The following CTNNA2 variants were observed in gnomAD, a reference collection of about 807,000 sequenced individuals.
CTNNA2 encodes the protein catenin alpha-2.
A neutral mutation model predicts 101.0 loss-of-function variants in CTNNA2; 42 were observed. The ratio of observed to expected loss-of-function variants is 0.42; its 90% CI spans 0.32 to 0.54. The LOEUF is 0.54. Ranked by LOEUF, CTNNA2 falls within the 20% of genes least tolerant of loss-of-function variation. The pLI is 0.14. For synonymous variants in CTNNA2, 450 were observed against 456.4 expected, an observed-to-expected ratio of 0.99 and a Z score of 0.18; for missense variants, 871 against 1,223.1, an observed-to-expected ratio of 0.71 and a Z score of 4.29.
intron 7 of CTNNA2, among the ~76,000 whole-genome samples, chr2:79,967,288 C>T (rs114170888): frequency 0.029 from 4,390 of 152,180 alleles, 97 homozygotes; most frequent in Non-Finnish European, 0.045. Flanking sequence ...GTGTGTGCAC[C>T]GCTGATCATC....
chr2:80,260,440 A>G (rs1249813771), intron 7 of CTNNA2, among the ~76,000 whole-genome samples: 1 of 150,430 alleles, frequency 6.6e-6, no homozygotes, highest in Non-Finnish European at 1.5e-5. Context: ...AGGGTCTGGG[A>G]TGGTTTGACT....
chr2:80,031,408 C>T (rs773753719), intron 7 of CTNNA2, among the ~76,000 whole-genome samples: 1 of 152,116 alleles, frequency 6.6e-6, no homozygotes, highest in African/African-American at 2.4e-5. Context: ...TGGTGGAAGG[C>T]AAGGAGCAGC....
At chr2:79,902,847 G>T (rs898030276) in intron 6 of CTNNA2, among the ~76,000 whole-genome samples, 2 of 151,870 alleles carry the variant, frequency 1.3e-5, no homozygotes. Context: ...GGCTGGTCTC[G>T]CACTCCTGAC....
intron 17 of CTNNA2, among the ~76,000 whole-genome samples, chr2:80,613,825 C>T (rs185468609): frequency 2.6e-5 from 4 of 151,590 alleles, no homozygotes; most frequent in East Asian, 1.9e-4. Flanking sequence ...GACCTTAATT[C>T]GATCTACTAC....
chr2:79,956,513 A>G (rs575351772), intron 7 of CTNNA2, among the ~76,000 whole-genome samples: 1 of 152,230 alleles, frequency 6.6e-6, no homozygotes, highest in African/African-American at 2.4e-5. Flanking sequence ...CCTTATTTGA[A>G]GGTTTGGGCA....
intron 17 of CTNNA2, among the ~76,000 whole-genome samples, chr2:80,616,795 G>A (rs1342309282): frequency 6.6e-6 from 1 of 151,554 alleles, no homozygotes; most frequent in East Asian, 2.0e-4. Context: ...CTGTATCAAA[G>A]GCAGTTTTAT....
intron 7 of CTNNA2, among the ~76,000 whole-genome samples, chr2:80,255,872 G>C (rs552999631): frequency 2.6e-5 from 4 of 152,188 alleles, no homozygotes; most frequent in Non-Finnish European, 4.4e-5. Flanking sequence ...TAGTATCCGG[G>C]AAAATAAATA....
chr2:80,485,682 C>A (rs1686515537), intron 9 of CTNNA2, among the ~76,000 whole-genome samples: 1 of 152,044 alleles, frequency 6.6e-6, no homozygotes, highest in South Asian at 2.1e-4. Context: ...CATTTTGATT[C>A]CTTAACCAGT....
chr2:80,614,257 C>A (rs1337637628), intron 17 of CTNNA2, among the ~76,000 whole-genome samples: 2 of 151,216 alleles, frequency 1.3e-5, no homozygotes, highest in East Asian at 3.9e-4. Flanking sequence ...TCTGAGAATG[C>A]AACCAACCTG....
chr2:80,004,790 C>T lies in CTNNA2; in HGVS notation c.1056+94993C>T, dbSNP rs192680278. Among the ~76,000 whole-genome samples the T allele has an allele frequency of 7.3e-3, 1,114 of 151,988 alleles. 5 individuals are homozygous for T. Among genetic ancestry groups the T allele is most frequent in the Non-Finnish European group, 0.011 (743 of 67,978 alleles). ...CGATCTCAGCTCACTGCAACCTCTG[C>T]CTCCTGGGTTCAAGCAATTCTCCTG... On this transcript the variant is annotated intron_variant, in intron 7 of 18. Transcript: ENST00000402739.
At chr2:79,454,994 C>A (rs578024982) in intron 4 of CTNNA2, among the ~76,000 whole-genome samples, 1 of 152,266 alleles carries the variant, frequency 6.6e-6, no homozygotes, top group African/African-American at 2.4e-5. Flanking sequence ...GTAGACTTAA[C>A]ACAGTGCCTC....
chr2:79,350,755 C>G (rs912815979), intron 3 of CTNNA2, among the ~76,000 whole-genome samples: 2 of 152,174 alleles, frequency 1.3e-5, no homozygotes, highest in Non-Finnish European at 2.9e-5. Context: ...TTCTCACAAA[C>G]AGTGTATAGT....
At position 79,271,258 on chromosome 2, in the gene CTNNA2, A is replaced by C. The variant is rs111674113; in HGVS notation, c.-405-41451A>C. Among the ~76,000 whole-genome samples the C allele has an allele frequency of 3.0e-3, 452 of 152,096 alleles. 5 individuals are homozygous for C. The highest frequency in any genetic ancestry group is 0.011 in the African/African-American group (436 of 41,524). ...ATATCATGATAATAGAGCCTAGAGA[A>C]GGGGTGGCCTTTATATGGGTGATAG... On this transcript the variant is annotated intron_variant, in intron 2 of 21. Transcript: ENST00000466387.
intron 2 of CTNNA2, among the ~76,000 whole-genome samples, chr2:79,720,380 T>C (rs1686402777): frequency 6.6e-6 from 1 of 152,136 alleles, no homozygotes; most frequent in South Asian, 2.1e-4. Flanking sequence ...ATTCAGACTC[T>C]TTTTTGGTTC....
chr2:80,561,673 T>G (rs1693604289), intron 12 of CTNNA2, among the ~76,000 whole-genome samples: 1 of 152,000 alleles, frequency 6.6e-6, no homozygotes, highest in African/African-American at 2.4e-5. Context: ...TTCCTCTCTC[T>G]TTTTTTGAGA....
At chr2:79,501,071 G>C (rs1474956908) in intron 4 of CTNNA2, among the ~76,000 whole-genome samples, 1 of 152,078 alleles carries the variant, frequency 6.6e-6, no homozygotes, top group African/African-American at 2.4e-5. Flanking sequence ...ACAGTCTATT[G>C]TTTTAAAACA....
intron 4 of CTNNA2, among the ~76,000 whole-genome samples, chr2:79,389,068 C>T (rs190175710): frequency 6.6e-6 from 1 of 152,178 alleles, no homozygotes; most frequent in Non-Finnish European, 1.5e-5. Context: ...CAGGTATTTA[C>T]ATAGACAGAT....
intron 2 of CTNNA2, among the ~76,000 whole-genome samples, chr2:79,270,461 TA>T (rs1475012066): frequency 6.6e-6 from 1 of 152,138 alleles, no homozygotes; most frequent in Non-Finnish European, 1.5e-5. Flanking sequence ...CCTGCTTTGC[TA>T]ATTCTTGGTA....
intron 9 of CTNNA2, among the ~76,000 whole-genome samples, chr2:80,466,342 T>C (rs1684851959): frequency 1.3e-5 from 2 of 152,312 alleles, no homozygotes; most frequent in South Asian, 2.1e-4. Context: ...AATACAGAGA[T>C]TGTGTCATTC....
Sources: allele counts gnomAD v4.1 joint callset (sites outside exome capture counted in the v4.1 genomes callset), GRCh38; gene constraint gnomAD v4.1.1; transcripts MANE v1.5; gene names NCBI Gene and HGNC (gene_info 2026-07-23, HGNC 2026-07-21).